Variants in PTPRG observed in about 807,000 individuals in gnomAD.
PTPRG encodes the protein receptor-type tyrosine-protein phosphatase gamma.
PTPRG carries 102 observed loss-of-function variants against 165.3 expected under a neutral mutation model. The observed-to-expected ratio is 0.62, with a 90% CI of 0.53 to 0.73. The LOEUF (loss-of-function observed/expected upper bound fraction) is 0.73, where lower values mean the gene tolerates loss of function less well. Ranked by LOEUF, PTPRG falls within the 30% of genes least tolerant of loss-of-function variation. PTPRG has a pLI of 0.00. For synonymous variants in PTPRG, 675 were observed against 669.5 expected, an observed-to-expected ratio of 1.01 and a Z score of -0.13; for missense variants, 1,866 against 1,861.4, an observed-to-expected ratio of 1.00 and a Z score of -0.05.
chr3:61,648,035 G>A (rs778735217), intron 1 of PTPRG, among the ~76,000 whole-genome samples: 11 of 151,958 alleles, frequency 7.2e-5, no homozygotes, highest in Non-Finnish European at 1.2e-4. Context: ...CTTTTGATAT[G>A]CCTGAAGCCC....
rs796622436 is a variant in PTPRG at position 62,216,230 on chromosome 3, A to AG, written c.2156-2621_2156-2620insG. Among the ~76,000 whole-genome samples the AG allele has an allele frequency of 2.5e-3, 372 of 151,828 alleles. 2 individuals carry two copies. The highest frequency in any genetic ancestry group is 8.6e-3 in the African/African-American group (356 of 41,360). ...CTGTTTCAAAAAAGAAAAAAAAAAAAAATGATAGAAATACCACAGAGGTGG... is the reference window on the plus strand; with the variant it reads ...CTGTTTCAAAAAAGAAAAAAAAAAAAGAATGATAGAAATACCACAGAGGTGG... On this transcript the variant is annotated intron_variant, in intron 12 of 29. Transcript: ENST00000474889.
chr3:61,913,697 C>G (rs1394512806), intron 2 of PTPRG, among the ~76,000 whole-genome samples: 1 of 152,162 alleles, frequency 6.6e-6, no homozygotes, highest in African/African-American at 2.4e-5. Context: ...AAAGGGATAT[C>G]CAGTGGTCTG....
chr3:61,580,173 C>T (rs548049905), intron 1 of PTPRG, among the ~76,000 whole-genome samples: 1 of 152,164 alleles, frequency 6.6e-6, no homozygotes, highest in East Asian at 1.9e-4. Context: ...GAGCCAGGCA[C>T]GGTGGAACCT....
chr3:61,622,154 A>G (rs185295392), intron 1 of PTPRG, among the ~76,000 whole-genome samples: 89 of 152,252 alleles, frequency 5.8e-4, no homozygotes, highest in Middle Eastern at 6.8e-3. Flanking sequence ...CCAAGTCTTC[A>G]CTTTATTTTG....
chr3:61,834,915 A>G (rs1401710194), intron 2 of PTPRG, among the ~76,000 whole-genome samples: 1 of 152,232 alleles, frequency 6.6e-6, no homozygotes, highest in Non-Finnish European at 1.5e-5. Context: ...GCTCTCAGAA[A>G]TTAGACAATT....
At chr3:61,829,200 A>G (rs1338394241) in intron 2 of PTPRG, among the ~76,000 whole-genome samples, 1 of 152,276 alleles carries the variant, frequency 6.6e-6, no homozygotes, top group African/African-American at 2.4e-5. Context: ...GTGGTGTCCC[A>G]CATAAAACAT....
chr3:62,081,770 T>C (rs1448456066), intron 5 of PTPRG, among the ~76,000 whole-genome samples: 1 of 152,236 alleles, frequency 6.6e-6, no homozygotes, highest in Non-Finnish European at 1.5e-5. Context: ...TTTAATTTTT[T>C]TGCTCTCTAT....
chr3:61,902,449 C>T (rs2038522507), intron 2 of PTPRG, among the ~76,000 whole-genome samples: 1 of 152,152 alleles, frequency 6.6e-6, no homozygotes, highest in Admixed American at 6.5e-5. Flanking sequence ...TATTAAGATT[C>T]ATCAAATGGA....
At chr3:62,078,775 A>T (rs906087364) in intron 5 of PTPRG, among the ~76,000 whole-genome samples, 2 of 152,132 alleles carry the variant, frequency 1.3e-5, no homozygotes, top group African/African-American at 4.8e-5. Context: ...CTCTTTTAAT[A>T]TGATTGTGTT....
intron 1 of PTPRG, among the ~76,000 whole-genome samples, chr3:61,696,846 C>T (rs62244420): frequency 6.6e-6 from 1 of 152,166 alleles, no homozygotes; most frequent in African/African-American, 2.4e-5. Flanking sequence ...ATCTTCGAGT[C>T]AGACTGGGGT....
intron 5 of PTPRG, among the ~76,000 whole-genome samples, chr3:62,123,574 C>G (rs1347925386): frequency 6.6e-6 from 1 of 152,106 alleles, no homozygotes; most frequent in Non-Finnish European, 1.5e-5. Flanking sequence ...AATAAACACA[C>G]TTGATTTATT....
At chr3:62,063,559 G>A (rs1236225865) in intron 4 of PTPRG, among the ~76,000 whole-genome samples, 2 of 152,184 alleles carry the variant, frequency 1.3e-5, no homozygotes, top group Non-Finnish European at 1.5e-5. Context: ...TTATGGCTAG[G>A]TAGGTGGGAA....
chr3:61,704,829 G>T (rs943112790), intron 1 of PTPRG, among the ~76,000 whole-genome samples: 1 of 152,218 alleles, frequency 6.6e-6, no homozygotes, highest in Non-Finnish European at 1.5e-5. Context: ...AACTGCATTT[G>T]TTCAGATAGG....
intron 1 of PTPRG, among the ~76,000 whole-genome samples, chr3:61,598,885 G>A (rs941218445): frequency 6.6e-6 from 1 of 152,052 alleles, no homozygotes; most frequent in Admixed American, 6.6e-5. Context: ...TTCACCTGGT[G>A]TTCTCCCTGG....
At chr3:62,218,138 T>C (rs1302764958) in intron 12 of PTPRG, among the ~76,000 whole-genome samples, 1 of 152,138 alleles carries the variant, frequency 6.6e-6, no homozygotes, top group Non-Finnish European at 1.5e-5. Context: ...ACCTAGGTGC[T>C]CCTGCTGGGA....
At chr3:62,087,342 T>C (rs765440294) in intron 5 of PTPRG, among the ~76,000 whole-genome samples, 7 of 152,228 alleles carry the variant, frequency 4.6e-5, no homozygotes, top group Non-Finnish European at 8.8e-5. Context: ...TTTAGCTGAT[T>C]AGATTTATCG....
At position 61,813,543 on chromosome 3, in the gene PTPRG, C is replaced by CTGTGTGTGTGTGTGTGTG. The variant is rs58097355; in HGVS notation, c.190+64593_190+64610dup. On this transcript the variant is annotated intron_variant, in intron 2 of 29. Coordinates refer to ENST00000474889, the MANE Select transcript of PTPRG (RefSeq NM_002841.4). ...AAAAAAAAAAAAGAAAAAAGAAAAT[C>CTGTGTGTGTGTGTGTGTG]TGTGTGTGTGTGTGTGTGTGTGTGT... Among the ~76,000 whole-genome samples the CTGTGTGTGTGTGTGTGTG allele has an allele frequency of 2.0e-4, 23 of 116,912 alleles. 1 individual carries two copies. Among genetic ancestry groups the CTGTGTGTGTGTGTGTGTG allele is most frequent in the Non-Finnish European group, 2.7e-4 (16 of 58,460 alleles). 76.7% of individuals were successfully genotyped at this position (116,912 alleles called of 152,430 possible).
At chr3:61,586,516 C>CT (rs1700439098) in intron 1 of PTPRG, among the ~76,000 whole-genome samples, 2 of 152,178 alleles carry the variant, frequency 1.3e-5, no homozygotes, top group African/African-American at 4.8e-5. Context: ...TTGACTGTTC[C>CT]TTCTGTTCGT....
At chr3:62,067,033 T>A (rs1462064141) in intron 4 of PTPRG, among the ~76,000 whole-genome samples, 1 of 84,642 alleles carries the variant, frequency 1.2e-5, no homozygotes, top group Non-Finnish European at 2.5e-5. Context: ...TGAGAGATTC[T>A]GACTCAAAAA....
Sources: gnomAD v4.1 joint callset for allele counts (sites outside exome capture counted in the v4.1 genomes callset) on GRCh38, gnomAD v4.1.1 for gene constraint, MANE v1.5 for transcripts, NCBI Gene and HGNC (gene_info 2026-07-23, HGNC 2026-07-21) for gene names.